Variants in STK33 observed in about 807,000 individuals in gnomAD.
STK33 encodes the protein serine/threonine-protein kinase 33.
A neutral mutation model predicts 58.0 loss-of-function variants in STK33; 52 were observed. The ratio of observed to expected loss-of-function variants is 0.90; its 90% CI spans 0.72 to 1.13. The LOEUF is 1.13. STK33 is among the 50% of genes most tolerant of loss of function. STK33 has a pLI of 0.00. For synonymous variants in STK33, 215 were observed against 200.1 expected, an observed-to-expected ratio of 1.07 and a Z score of -0.63; for missense variants, 630 against 604.2, an observed-to-expected ratio of 1.04 and a Z score of -0.45.
chr11:8,417,596 T>C (rs182195739), intron 14 of STK33, among the ~76,000 whole-genome samples: 73 of 152,310 alleles, frequency 4.8e-4, no homozygotes, highest in Non-Finnish European at 9.4e-4. Context: ...ATCTTTAGCA[T>C]GCAGTCACCA....
intron 1 of STK33, among the ~76,000 whole-genome samples, chr11:8,544,974 G>A (rs1955804657): frequency 6.6e-6 from 1 of 152,086 alleles, no homozygotes; most frequent in Admixed American, 6.6e-5. Flanking sequence ...CCATGACACG[G>A]TCCTGCTTAC....
At chr11:8,536,952 A>T (rs533524109) in intron 1 of STK33, among the ~76,000 whole-genome samples, 40,348 of 87,128 alleles carry the variant, frequency 0.46, 9,312 homozygotes, top group South Asian at 0.57. Flanking sequence ...CAGCTAATTA[A>T]AAAAAAAAAA....
chr11:8,534,532 T>TTCTCTCTCTCTCTCTC (rs61429377), intron 1 of STK33, among the ~76,000 whole-genome samples: 12 of 122,518 alleles, frequency 9.8e-5, no homozygotes, highest in African/African-American at 3.5e-4. Context: ...GTATATATAT[T>TTCTCTCTCTCTCTCTC]TCTCTCTCTC....
At chr11:8,491,646 A>T (rs1950620913) in intron 1 of STK33, among the ~76,000 whole-genome samples, 1 of 152,200 alleles carries the variant, frequency 6.6e-6, no homozygotes, top group Non-Finnish European at 1.5e-5. Flanking sequence ...TAATTGTCAG[A>T]TTTACCAAGA....
At chr11:8,345,367 C>T in the STK33 span, among the ~76,000 whole-genome samples, 30 of 152,318 alleles carry the variant, frequency 2.0e-4, no homozygotes, top group African/African-American at 7.0e-4. Context: ...GTAACTAGAG[C>T]CTGGCACAGG....
chr11:8,517,445 C>A (rs1370417014), intron 1 of STK33, among the ~76,000 whole-genome samples: 1 of 152,212 alleles, frequency 6.6e-6, no homozygotes, highest in Non-Finnish European at 1.5e-5. Context: ...CAAAGCAATG[C>A]AGCTCCTCGC....
At chr11:8,521,709 A>AT (rs1565262068) in intron 1 of STK33, among the ~76,000 whole-genome samples, 1 of 152,172 alleles carries the variant, frequency 6.6e-6, no homozygotes, top group African/African-American at 2.4e-5. Flanking sequence ...ATGGGAGAAA[A>AT]TTTTTACAAT....
At chr11:8,398,062 C>T (rs569848533) in intron 15 of STK33, among the ~76,000 whole-genome samples, 1 of 152,244 alleles carries the variant, frequency 6.6e-6, no homozygotes, top group South Asian at 2.1e-4. Context: ...GGAGAACTTC[C>T]CCAATCTAGC....
At chr11:8,571,832 CAA>C (rs376750068) in intron 1 of STK33, among the ~76,000 whole-genome samples, 1 of 67,204 alleles carries the variant, frequency 1.5e-5, no homozygotes. Context: ...GACCCAGTCT[CAA>C]AAAAAAAAAA....
the STK33 span, among the ~76,000 whole-genome samples, chr11:8,370,158 C>T: frequency 8.5e-5 from 13 of 152,108 alleles, no homozygotes; most frequent in Admixed American, 2.6e-4. Flanking sequence ...TAAGGGGGAA[C>T]AGGGAAAATA....
intron 15 of STK33, among the ~76,000 whole-genome samples, chr11:8,401,690 A>G (rs1397442360): frequency 1.3e-5 from 2 of 152,236 alleles, no homozygotes; most frequent in East Asian, 1.9e-4. Context: ...GGCAACCTAC[A>G]GAATGGGAGA....
chr11:8,520,845 G>C (rs573682899), intron 1 of STK33, among the ~76,000 whole-genome samples: 2 of 152,086 alleles, frequency 1.3e-5, no homozygotes, highest in Admixed American at 6.5e-5. Context: ...AAATAAAAGA[G>C]ATCACAAACA....
chr11:8,396,077 C>T (rs1020818844), intron 15 of STK33, among the ~76,000 whole-genome samples: 1 of 152,178 alleles, frequency 6.6e-6, no homozygotes, highest in Non-Finnish European at 1.5e-5. Context: ...AACATCAATT[C>T]AAATCTACTT....
At chr11:8,472,241 T>C (rs1361119163) in intron 6 of STK33, among the ~76,000 whole-genome samples, 1 of 132,198 alleles carries the variant, frequency 7.6e-6, no homozygotes, top group East Asian at 2.1e-4. Flanking sequence ...AGACTAAATT[T>C]AAAACTTGGT....
chr11:8,449,786 A>G (rs1946038144), intron 11 of STK33, among the ~76,000 whole-genome samples: 1 of 152,188 alleles, frequency 6.6e-6, no homozygotes, highest in African/African-American at 2.4e-5. Flanking sequence ...TAATAAAAGA[A>G]AGAAAGAAAG....
chr11:8,576,453 A>T (rs1441860455), intron 1 of STK33, among the ~76,000 whole-genome samples: 1 of 152,178 alleles, frequency 6.6e-6, no homozygotes, highest in Non-Finnish European at 1.5e-5. Flanking sequence ...CCTGAAATCT[A>T]TTTTCAGATT....
intron 6 of STK33, among the ~76,000 whole-genome samples, chr11:8,468,608 T>G (rs2137611847): frequency 6.6e-6 from 1 of 152,312 alleles, no homozygotes; most frequent in East Asian, 1.9e-4. Flanking sequence ...GGCTTATTTT[T>G]TTTTCTTCCA....
At chr11:8,507,862 C>A (rs1000268818) in intron 1 of STK33, among the ~76,000 whole-genome samples, 27 of 152,080 alleles carry the variant, frequency 1.8e-4, no homozygotes, top group African/African-American at 5.8e-4. Flanking sequence ...TAACAAATAC[C>A]TTGTTTTTAC....
intron 1 of STK33, among the ~76,000 whole-genome samples, chr11:8,547,778 T>C (rs953387120): frequency 6.6e-6 from 1 of 152,032 alleles, no homozygotes; most frequent in Admixed American, 6.6e-5. Context: ...TGGGGTCTTA[T>C]CCAAAAAAAT....
Sources: gnomAD v4.1 joint callset for allele counts (sites outside exome capture counted in the v4.1 genomes callset) on GRCh38, gnomAD v4.1.1 for gene constraint, MANE v1.5 for transcripts, NCBI Gene and HGNC (gene_info 2026-07-23, HGNC 2026-07-21) for gene names.